The following ERC1 variants were observed in gnomAD, a reference collection of about 807,000 sequenced individuals.
ERC1 encodes the protein RAB6 interacting protein 2.
A neutral mutation model predicts 132.0 loss-of-function variants in ERC1; 56 were observed. The observed-to-expected ratio is 0.42, with a 90% confidence interval of 0.34 to 0.53. The LOEUF is 0.53. Among genes scored for constraint, ERC1 ranks in the 20% least tolerant of loss-of-function variants. ERC1 has a pLI of 0.03. For missense variants in ERC1, 1,202 were observed against 1,349.9 expected (o/e 0.89, Z 1.72); for synonymous variants, 478 against 476.1 (o/e 1.00, Z -0.05).
At chr12:1,485,555 G>C (rs1320993387) in intron 18 of ERC1, among the ~76,000 whole-genome samples, 1 of 152,044 alleles carries the variant, frequency 6.6e-6, no homozygotes, top group Non-Finnish European at 1.5e-5. Flanking sequence ...TTAGCCATTT[G>C]TATTTCTTCT....
At chr12:1,239,354 C>A (rs984860824) in intron 13 of ERC1, among the ~76,000 whole-genome samples, 1 of 152,122 alleles carries the variant, frequency 6.6e-6, no homozygotes, top group African/African-American at 2.4e-5. Flanking sequence ...CTGTGCCTGG[C>A]CCTATGGATC....
At chr12:1,346,159 G>GT (rs2154364439) in intron 15 of ERC1, among the ~76,000 whole-genome samples, 1 of 151,542 alleles carries the variant, frequency 6.6e-6, no homozygotes, top group South Asian at 2.1e-4. Flanking sequence ...TCAAGTTTTT[G>GT]TTGTTTGTTT....
chr12:1,268,250 G>A (rs952394973), intron 14 of ERC1, among the ~76,000 whole-genome samples: 3 of 151,952 alleles, frequency 2.0e-5, no homozygotes, highest in Non-Finnish European at 4.4e-5. Flanking sequence ...TTCTTTACTG[G>A]TCTGAATATT....
At chr12:1,424,250 G>A (rs1237850232) in intron 17 of ERC1, among the ~76,000 whole-genome samples, 1 of 152,092 alleles carries the variant, frequency 6.6e-6, no homozygotes, top group African/African-American at 2.4e-5. Flanking sequence ...TAAATCTTTA[G>A]AGAAAAAACT....
intron 15 of ERC1, among the ~76,000 whole-genome samples, chr12:1,321,418 A>T (rs1422880751): frequency 6.6e-6 from 1 of 152,216 alleles, no homozygotes; most frequent in African/African-American, 2.4e-5. Context: ...TTGTATTCAT[A>T]CAATGCGGAG....
intron 13 of ERC1, among the ~76,000 whole-genome samples, chr12:1,251,788 G>C (rs1483759139): frequency 6.6e-6 from 1 of 152,082 alleles, no homozygotes; most frequent in Admixed American, 6.5e-5. Context: ...TTTATTGAAA[G>C]ACTTTATTGA....
At chr12:1,478,499 GA>G (rs1383949187) in intron 18 of ERC1, among the ~76,000 whole-genome samples, 1 of 152,138 alleles carries the variant, frequency 6.6e-6, no homozygotes, top group Non-Finnish European at 1.5e-5. Flanking sequence ...TGTCTTTTAA[GA>G]GACAGAAATC....
intron 17 of ERC1, among the ~76,000 whole-genome samples, chr12:1,428,434 C>T (rs758089787): frequency 1.1e-4 from 16 of 152,080 alleles, no homozygotes; most frequent in Non-Finnish European, 2.4e-4. Context: ...AATTGGGTTC[C>T]GTTCATGTGT....
intron 8 of ERC1, among the ~76,000 whole-genome samples, chr12:1,168,676 G>C (rs1386913912): frequency 6.6e-6 from 1 of 151,792 alleles, no homozygotes; most frequent in Non-Finnish European, 1.5e-5. Context: ...TAGTAGAGAT[G>C]GGGTTTTGCC....
In ERC1 at chr12:1,490,333, C is replaced by T; in HGVS notation, c.*103C>T. On this transcript the variant is annotated 3_prime_UTR_variant, in exon 19 of 19. Coordinates refer to ENST00000360905, the MANE Select transcript of ERC1 (RefSeq NM_178040.4). ...CCTTCTTGGCACCAAACACTACAAA[C>T]TTCATCCCAACTTGCTCACTTGAAG... The T allele has an allele frequency of 8.8e-7, 1 of 1,138,126 alleles. No individual in the cohort carries two copies. The allele number at this position is 1,138,126 out of a possible 1,614,324, so 70.5% of individuals were successfully genotyped here. A position where few individuals can be genotyped will look rare whatever the true frequency, so the allele number is the denominator to read the frequency against.
At chr12:1,488,429 C>T (rs1187956295) in intron 18 of ERC1, among the ~76,000 whole-genome samples, 2 of 151,410 alleles carry the variant, frequency 1.3e-5, no homozygotes, top group African/African-American at 4.9e-5. Flanking sequence ...CAGGAGCTCA[C>T]GACTGTAAGC....
At chr12:1,003,251 T>C (rs1208387000) in intron 1 of ERC1, among the ~76,000 whole-genome samples, 1 of 152,186 alleles carries the variant, frequency 6.6e-6, no homozygotes, top group African/African-American at 2.4e-5. Context: ...TCCCTGTTAT[T>C]TATGTTGTAT....
In ERC1 at chr12:1,287,295, C is replaced by A. The variant is rs114324141; in HGVS notation, c.2620-2557C>A. ...AAACATGAAAAGCAATACTTTAAAACTCTTACAAAGTTTATCAATCAGATA... is the reference window on the plus strand; with the variant it reads ...AAACATGAAAAGCAATACTTTAAAAATCTTACAAAGTTTATCAATCAGATA... On this transcript the variant is annotated intron_variant, in intron 14 of 18. Transcript: ENST00000360905. 5.2e-3 allele frequency among the ~76,000 whole-genome samples: 791 copies of A among 152,310 alleles called. 10 individuals carry two copies. The highest frequency in any genetic ancestry group is 0.018 in the African/African-American group (758 of 41,560).
chr12:1,007,885 T>C (rs1459683376), intron 1 of ERC1, among the ~76,000 whole-genome samples: 3 of 152,106 alleles, frequency 2.0e-5, no homozygotes, highest in Non-Finnish European at 2.9e-5. Flanking sequence ...TCTGGCTACA[T>C]GTGTTTAACA....
chr12:1,482,929 C>T (rs1195660060), intron 18 of ERC1, among the ~76,000 whole-genome samples: 1 of 152,130 alleles, frequency 6.6e-6, no homozygotes, highest in Non-Finnish European at 1.5e-5. Context: ...CCAATCACCC[C>T]ATCCTACCCC....
intron 18 of ERC1, among the ~76,000 whole-genome samples, chr12:1,448,917 G>A (rs928129107): frequency 5.3e-5 from 8 of 152,266 alleles, no homozygotes; most frequent in African/African-American, 1.9e-4. Context: ...GCCCATGAAA[G>A]CAGCTGGAAG....
chr12:1,115,712 C>T, intron 6 of ERC1, 154 bp from the exon 7 acceptor site: 1 of 592,080 alleles, frequency 1.7e-6, no homozygotes, highest in Non-Finnish European at 2.8e-6. Context: ...TTGGGGAGAT[C>T]CAAGGTTATG....
chr12:1,180,790 G>T, intron 9 of ERC1, 113 bp downstream of exon 9: 6 of 1,288,846 alleles, frequency 4.7e-6, no homozygotes, highest in Middle Eastern at 4.2e-4. Flanking sequence ...GAGCTGCTGT[G>T]TGCTATTGCT....
chr12:1,166,574 T>C (rs921882139), intron 8 of ERC1, among the ~76,000 whole-genome samples: 14 of 152,244 alleles, frequency 9.2e-5, no homozygotes, highest in African/African-American at 3.4e-4. Flanking sequence ...CATTCCTAGC[T>C]TGTTGCATGT....
Sources: gnomAD v4.1 joint callset for allele counts (sites outside exome capture counted in the v4.1 genomes callset) on GRCh38, gnomAD v4.1.1 for gene constraint, MANE v1.5 for transcripts, NCBI Gene and HGNC (gene_info 2026-07-23, HGNC 2026-07-21) for gene names.